Variants in CARS2 observed in about 807,000 individuals in gnomAD.
The protein encoded by CARS2 is cysteinyl-tRNA synthetase 2, mitochondrial.
CARS2 carries 52 observed loss-of-function variants against 68.8 expected under a neutral mutation model. The ratio of observed to expected loss-of-function variants is 0.76; its 90% confidence interval spans 0.61 to 0.95. The LOEUF is 0.95. CARS2 is among the 40% of genes least tolerant of loss of function. CARS2 has a pLI of 0.00. For missense variants in CARS2, 780 were observed against 754.2 expected (o/e 1.03, Z -0.40); for synonymous variants, 314 against 303.6 (o/e 1.03, Z -0.36).
In CARS2 at chr13:110,676,900, C is replaced by T; in HGVS notation, c.785+74G>A. On this transcript the variant is annotated intron_variant, in intron 7 of 14. Coordinates refer to ENST00000257347, the MANE Select transcript of CARS2 (RefSeq NM_024537.4). This position sits in a 1 kb window ranked among gnomAD's most constrained non-coding sequence, Gnocchi z 4.0. ...GTGCCAGGCTGCACCTGCTCCCATG[C>T]ACATCCTCTGCTGCCCTGAGCAGGC... is the stretch of plus-strand genomic sequence containing the variant. The T allele has an allele frequency of 1.4e-6, 2 of 1,448,256 alleles. No homozygotes were observed. Among genetic ancestry groups the T allele is most frequent in the Admixed American group, 2.5e-5 (1 of 40,114 alleles). The allele number at this position is 1,448,256 out of a possible 1,614,324, so 89.7% of individuals were successfully genotyped here.
chr13:110,687,369 A>C (rs187077112), intron 5 of CARS2, among the ~76,000 whole-genome samples: 1 of 151,898 alleles, frequency 6.6e-6, no homozygotes, highest in East Asian at 1.9e-4. Context: ...GTAATGTTTT[A>C]GTTTTAAGAA....
chr13:110,691,987 G>GAAAAAAA (rs36121848), intron 3 of CARS2, among the ~76,000 whole-genome samples: 32 of 76,774 alleles, frequency 4.2e-4, no homozygotes, highest in East Asian at 1.1e-3. Flanking sequence ...AAGCTGTGCA[G>GAAAAAAA]AAAAAAAAAA....
upstream of CARS2, among the ~76,000 whole-genome samples, chr13:110,707,179 T>C (rs1056309283): frequency 1.4e-5 from 2 of 141,260 alleles, no homozygotes; most frequent in African/African-American, 5.3e-5. Flanking sequence ...TGCACCTCAA[T>C]AGAGTGTGCG....
At chr13:110,704,581 G>A (rs1463043270) in intron 2 of CARS2, among the ~76,000 whole-genome samples, 3 of 152,034 alleles carry the variant, frequency 2.0e-5, no homozygotes, top group African/African-American at 4.8e-5. Flanking sequence ...AAAATTAGCC[G>A]GGCGTGGTGG....
chr13:110,701,408 T>C (rs746559114), intron 3 of CARS2, 30 bp downstream of exon 3: 1 of 1,000,902 alleles, frequency 1.0e-6, no homozygotes, highest in Non-Finnish European at 1.6e-6. Context: ...TCAATGGCAT[T>C]ATCAATAGAT....
At chr13:110,649,936 T>G (rs1334892613) in intron 10 of CARS2, among the ~76,000 whole-genome samples, 4 of 138,018 alleles carry the variant, frequency 2.9e-5, no homozygotes, top group South Asian at 2.4e-4. Flanking sequence ...AACGACTTTT[T>G]TTTTTTTTTT....
At chr13:110,678,733 C>T (rs1242646315) in intron 6 of CARS2, among the ~76,000 whole-genome samples, 1 of 152,174 alleles carries the variant, frequency 6.6e-6, no homozygotes, top group Non-Finnish European at 1.5e-5. Flanking sequence ...CATCCACAGG[C>T]ACAAATGCAG....
intron 9 of CARS2, among the ~76,000 whole-genome samples, chr13:110,658,579 G>T (rs1249704349): frequency 6.6e-6 from 1 of 152,032 alleles, no homozygotes; most frequent in Admixed American, 6.5e-5. Flanking sequence ...TATGAACCTT[G>T]ATCAACTCCT....
intron 3 of CARS2, among the ~76,000 whole-genome samples, chr13:110,700,364 A>C (rs1215956474): frequency 6.6e-6 from 1 of 152,206 alleles, no homozygotes; most frequent in Non-Finnish European, 1.5e-5. Flanking sequence ...AGCGCACTGC[A>C]TCAATGTCCG....
At chr13:110,663,430 A>G in intron 9 of CARS2, 21 bp downstream of exon 9, 3 of 1,608,276 alleles carry the variant, frequency 1.9e-6, no homozygotes, top group Non-Finnish European at 2.5e-6. Context: ...CCTCAGAGAT[A>G]CAATACAAAA....
At chr13:110,651,641 C>G (rs2062217856) in intron 9 of CARS2, among the ~76,000 whole-genome samples, 1 of 152,246 alleles carries the variant, frequency 6.6e-6, no homozygotes, top group South Asian at 2.1e-4. Flanking sequence ...TGCGCTAAGT[C>G]TGTCTCTTGA....
chr13:110,641,548 A>G lies in CARS2; in HGVS notation c.1684T>C (p.Ser562Pro). Residue 562 changes from serine to proline, a missense_variant, in exon 15 of 15, where the codon TCA becomes CCA. Physicochemically the swap from Ser to Pro is moderately conservative, Grantham distance 74. Transcript: ENST00000257347. ...LLDQRTKDQK[S>P]AG is the part of the protein sequence containing the mutation. ...GCTGTGCTCCATCCTCAGCCCGCTGATTTTTGGTCTTTTGTCCTTTGATCC... is the reference window on the plus strand; with the variant it reads ...GCTGTGCTCCATCCTCAGCCCGCTGGTTTTTGGTCTTTTGTCCTTTGATCC... 6.2e-7 allele frequency: 1 copy of G among 1,613,634 alleles called. No homozygotes were observed. The highest frequency in any genetic ancestry group is 8.5e-7 in the Non-Finnish European group (1 of 1,179,590).
At position 110,676,988 on chromosome 13, in the gene CARS2, G is replaced by C. The variant is rs1458887156; in HGVS notation, c.771C>G (p.Cys257Trp). The C allele has an allele frequency of 1.3e-6, 2 of 1,587,562 alleles. No homozygotes were observed. Among genetic ancestry groups the C allele is most frequent in the African/African-American group, 2.7e-5 (2 of 74,358 alleles). ...AGGCACCTTACCTAGCGATGGCAGA[G>C]CACTCGATGTGCCAGCCCGGCCTCC... ...GPGRPGWHIE[C>W]SAIASMVFGS... The change falls in exon 7 of 15, where the codon TGC (cysteine) becomes TGG (tryptophan). Residue 257 changes from cysteine to tryptophan, a missense_variant. By Grantham distance (215) the Cys-to-Trp change is radical. Coordinates refer to ENST00000257347, the MANE Select transcript of CARS2 (RefSeq NM_024537.4). The surrounding 1 kb of genome is among the most constrained non-coding windows in gnomAD (Gnocchi z 4.0).
At chr13:110,651,132 C>T in intron 9 of CARS2, 32 bp from the exon 10 acceptor site, 1 of 1,546,408 alleles carries the variant, frequency 6.5e-7, no homozygotes, top group Non-Finnish European at 8.9e-7. Flanking sequence ...AGTCACGAGG[C>T]TTTGCTTTTA....
At chr13:110,647,080 G>C (rs751374024) in intron 11 of CARS2, 21 bp downstream of exon 11, 2 of 1,549,518 alleles carry the variant, frequency 1.3e-6, no homozygotes, top group African/African-American at 1.4e-5. Flanking sequence ...TGCCACGCCG[G>C]GTGCTAGGCG....
chr13:110,681,872 A>G (rs2063166239), intron 6 of CARS2, among the ~76,000 whole-genome samples: 1 of 152,252 alleles, frequency 6.6e-6, no homozygotes, highest in African/African-American at 2.4e-5. Context: ...TAGAAAAGGC[A>G]AAACTAGAGA....
At chr13:110,707,036 A>ACACCCCAATACAGTGTG (rs2139951873), upstream of CARS2, among the ~76,000 whole-genome samples, 1 of 149,186 alleles carries the variant, frequency 6.7e-6, no homozygotes, top group African/African-American at 2.5e-5. Flanking sequence ...AGTACAGTGT[A>ACACCCCAATACAGTGTG]CACCCCAATA....
At chr13:110,704,295 A>G (rs1335991145) in intron 2 of CARS2, among the ~76,000 whole-genome samples, 1 of 152,188 alleles carries the variant, frequency 6.6e-6, no homozygotes, top group Non-Finnish European at 1.5e-5. Context: ...CCTTTGTGGA[A>G]AGGTTTTCCA....
Position 110,706,061 on chromosome 13 carries a change from G to T in CARS2, c.33C>A (p.Gly11=), listed in dbSNP as rs907423199. 9.5e-5 allele frequency: 129 copies of T among 1,356,772 alleles called. No homozygotes were observed. Among genetic ancestry groups the T allele is most frequent in the Non-Finnish European group, 1.2e-4 (127 of 1,056,078 alleles). 84.0% of individuals were successfully genotyped at this position (1,356,772 alleles called of 1,614,324 possible). Residue 11 remains glycine (G), a synonymous_variant, in exon 1 of 15, where the codon GGC becomes GGA. Transcript: ENST00000257347. MLRTTRGPGL[G]PPLLQAALGL... ...CCAGCGCGGCCTGGAGCAGCGGGGG[G>T]CCCAGGCCTGGGCCGCGCGTAGTCC... is the stretch of plus-strand genomic sequence containing the variant.
Sources: allele counts gnomAD v4.1 joint callset (sites outside exome capture counted in the v4.1 genomes callset), GRCh38; gene constraint gnomAD v4.1.1; non-coding constraint Gnocchi (gnomAD v3.1); transcripts MANE v1.5; gene names NCBI Gene and HGNC (gene_info 2026-07-23, HGNC 2026-07-21).